The following SCFD1 variants were observed in gnomAD, a reference collection of about 807,000 sequenced individuals.
The protein encoded by SCFD1 is sec1 family domain-containing protein 1.
In SCFD1, 37 loss-of-function variants were observed where a neutral mutation model predicts 103.2. The observed-to-expected ratio is 0.36, with a 90% CI of 0.28 to 0.47. SCFD1 has a LOEUF of 0.47. SCFD1 is among the 20% of genes least tolerant of loss of function. The pLI is 1.00. For missense variants in SCFD1, 639 were observed against 761.2 expected (o/e 0.84, Z 1.89); for synonymous variants, 264 against 245.0 (o/e 1.08, Z -0.73).
chr14:30,656,158 A>G (rs1478313132), intron 10 of SCFD1, among the ~76,000 whole-genome samples: 1 of 152,028 alleles, frequency 6.6e-6, no homozygotes, highest in African/African-American at 2.4e-5. Flanking sequence ...TCAAAATGTA[A>G]ATGTTGAGTA....
chr14:30,697,012 T>G (rs1385380104), intron 15 of SCFD1, among the ~76,000 whole-genome samples: 1 of 152,224 alleles, frequency 6.6e-6, no homozygotes, highest in African/African-American at 2.4e-5. Flanking sequence ...TGGTGTGAAC[T>G]TAGTGTTTTC....
At chr14:30,630,334 A>G in intron 2 of SCFD1, 143 bp from the exon 3 acceptor site, 1 of 651,162 alleles carries the variant, frequency 1.5e-6, no homozygotes, top group Non-Finnish European at 2.7e-6. Context: ...TTCACTGATA[A>G]TGATGGAAAA....
At chr14:30,711,953 C>T (rs937966129) in intron 19 of SCFD1, among the ~76,000 whole-genome samples, 4 of 151,872 alleles carry the variant, frequency 2.6e-5, no homozygotes, top group African/African-American at 9.7e-5. Flanking sequence ...ATAGATGTGT[C>T]TTGGTGAGTT....
At chr14:30,724,711 T>C (rs140037896) in intron 23 of SCFD1, among the ~76,000 whole-genome samples, 47 of 152,354 alleles carry the variant, frequency 3.1e-4, no homozygotes, top group African/African-American at 1.0e-3. Flanking sequence ...TTGTCAATTT[T>C]TGCTTTTGTT....
intron 1 of SCFD1, among the ~76,000 whole-genome samples, chr14:30,622,845 G>T (rs1423145410): frequency 3.9e-5 from 6 of 152,132 alleles, no homozygotes; most frequent in African/African-American, 1.4e-4. Context: ...TCTCTACTTC[G>T]GACCAGTCTT....
intron 20 of SCFD1, among the ~76,000 whole-genome samples, chr14:30,717,180 G>A (rs975218926): frequency 6.6e-6 from 1 of 152,124 alleles, no homozygotes; most frequent in Non-Finnish European, 1.5e-5. Flanking sequence ...AGGGGGTTAA[G>A]AAATTTTGAT....
intron 10 of SCFD1, among the ~76,000 whole-genome samples, chr14:30,656,113 C>T (rs1343493256): frequency 1.3e-5 from 2 of 148,602 alleles, no homozygotes. Flanking sequence ...AAGACCCTGT[C>T]TCAAAAAAAA....
At chr14:30,728,873 C>G (rs1893244761) in intron 23 of SCFD1, among the ~76,000 whole-genome samples, 1 of 131,380 alleles carries the variant, frequency 7.6e-6, no homozygotes, top group Admixed American at 8.9e-5. Flanking sequence ...GAGACGGAGT[C>G]TCGTTCTGTC....
intron 23 of SCFD1, among the ~76,000 whole-genome samples, chr14:30,732,783 C>T (rs1487114877): frequency 1.3e-5 from 2 of 152,102 alleles, no homozygotes; most frequent in Non-Finnish European, 2.9e-5. Context: ...TAATCTAACT[C>T]ACAATGTAAA....
intron 7 of SCFD1, among the ~76,000 whole-genome samples, chr14:30,644,555 G>A (rs1416733727): frequency 6.6e-6 from 1 of 152,182 alleles, no homozygotes; most frequent in East Asian, 1.9e-4. Flanking sequence ...ACTGGTGTGA[G>A]ATGGTATCTC....
intron 23 of SCFD1, among the ~76,000 whole-genome samples, chr14:30,728,282 A>C (rs965540322): frequency 2.0e-5 from 3 of 152,182 alleles, no homozygotes; most frequent in African/African-American, 7.2e-5. Flanking sequence ...CATTTGCTCC[A>C]ATACTTTGTG....
chr14:30,702,489 A>C (rs1031217859), intron 17 of SCFD1, 114 bp downstream of exon 17: 1 of 585,430 alleles, frequency 1.7e-6, no homozygotes, highest in Non-Finnish European at 2.9e-6. Context: ...TGGTGGTTTT[A>C]TATATCCAGT....
In SCFD1 at chr14:30,702,309, A is replaced by C. The variant is rs771347673; in HGVS notation, c.1424A>C (p.Gln475Pro). The change falls in exon 17 of 25, where the codon CAA becomes CCA. Residue 475 changes from glutamine to proline, a missense_variant. Transcript: ENST00000458591. ...QQAPSEADLE[Q>P]YKKALTDAGC... The stretch of plus-strand genomic sequence containing the variant: ...TTCTTATTTCAGGCTGATTTGGAGC[A>C]ATATAAAAAAGCTTTAACTGATGCA... The C allele has an allele frequency of 1.9e-6, 3 of 1,596,812 alleles. No homozygotes were observed. In the East Asian group the frequency reaches 6.8e-5, roughly 36 times the overall value.
chr14:30,700,724 T>C (rs190035517), intron 16 of SCFD1, among the ~76,000 whole-genome samples: 214 of 152,230 alleles, frequency 1.4e-3, no homozygotes, highest in African/African-American at 4.9e-3. Context: ...GCTGCTTCTA[T>C]GTACTGCTGT....
chr14:30,634,118 T>TG, intron 4 of SCFD1, 81 bp downstream of exon 4: 1 of 758,298 alleles, frequency 1.3e-6, no homozygotes. Context: ...ATGTCCAGGG[T>TG]GAAAAATCAG....
intron 14 of SCFD1, among the ~76,000 whole-genome samples, chr14:30,677,744 G>A (rs1260234569): frequency 6.8e-6 from 1 of 146,344 alleles, no homozygotes; most frequent in Non-Finnish European, 1.5e-5. Context: ...GAAATATTTT[G>A]CTCCGTAATC....
intron 23 of SCFD1, among the ~76,000 whole-genome samples, chr14:30,725,308 A>G (rs1181541441): frequency 6.6e-6 from 1 of 152,096 alleles, no homozygotes. Flanking sequence ...TCTTCTTCCT[A>G]TCCATGAGCA....
At chr14:30,650,849 T>C (rs1886332472) in intron 9 of SCFD1, among the ~76,000 whole-genome samples, 199 bp downstream of exon 9, 1 of 152,136 alleles carries the variant, frequency 6.6e-6, no homozygotes, top group African/African-American at 2.4e-5. Context: ...GGTAAAAATT[T>C]CTAAGCATTT....
intron 14 of SCFD1, among the ~76,000 whole-genome samples, chr14:30,691,366 GT>G (rs1020991284): frequency 6.6e-6 from 1 of 152,162 alleles, no homozygotes; most frequent in African/African-American, 2.4e-5. Context: ...TCTATTTTAT[GT>G]TTAGGGTTCT....
Sources: allele counts gnomAD v4.1 joint callset (sites outside exome capture counted in the v4.1 genomes callset), GRCh38; gene constraint gnomAD v4.1.1; transcripts MANE v1.5; gene names NCBI Gene and HGNC (gene_info 2026-07-23, HGNC 2026-07-21).